ZC3H12B: variants seen among roughly 807,000 people sequenced by gnomAD.
ZC3H12B encodes zinc finger CCCH-type containing 12B.
ZC3H12B carries 7 observed loss-of-function variants against 43.9 expected under a neutral mutation model. That is an observed-to-expected ratio of 0.16 (90% CI 0.09 to 0.30). The LOEUF is 0.30. Among genes scored for constraint, ZC3H12B ranks in the 10% least tolerant of loss-of-function variants. The pLI, the probability that ZC3H12B is intolerant of heterozygous loss-of-function variation, is 1.00. For synonymous variants in ZC3H12B, 222 were observed against 241.7 expected (o/e 0.92, Z 0.76); for missense variants, 475 against 670.2 (o/e 0.71, Z 3.22).
the ZC3H12B span, among the ~76,000 whole-genome samples, chrX:65,036,788 T>C: frequency 9.0e-6 from 1 of 110,560 alleles, no homozygotes; most frequent in Non-Finnish European, 1.9e-5. Flanking sequence ...GAATACTTGC[T>C]CTTCACCTTC....
At chrX:65,173,461 G>C in the ZC3H12B span, among the ~76,000 whole-genome samples, 1 of 111,614 alleles carries the variant, frequency 9.0e-6, no homozygotes, top group Non-Finnish European at 1.9e-5. Context: ...ATACTATGTT[G>C]AATGGGAGTG....
chrX:65,157,805 G>A, the ZC3H12B span, among the ~76,000 whole-genome samples: 10 of 106,445 alleles, frequency 9.4e-5, no homozygotes, highest in South Asian at 3.9e-3. Flanking sequence ...AAATTTTAGG[G>A]GACATGTGCA....
At chrX:65,276,792 AC>A in the ZC3H12B span, among the ~76,000 whole-genome samples, 8 of 111,725 alleles carry the variant, frequency 7.2e-5, no homozygotes, top group African/African-American at 2.6e-4. Flanking sequence ...ACAGAAAGAA[AC>A]CCAACTTCAA....
the ZC3H12B span, among the ~76,000 whole-genome samples, chrX:65,082,586 A>C: frequency 9.0e-6 from 1 of 111,307 alleles, no homozygotes; most frequent in Non-Finnish European, 1.9e-5. Context: ...ACCTGAACAG[A>C]TCAATAACAA....
the ZC3H12B span, among the ~76,000 whole-genome samples, chrX:65,212,787 G>T: frequency 1.0e-5 from 1 of 100,098 alleles, no homozygotes; most frequent in African/African-American, 3.6e-5. Flanking sequence ...TAGACTATTA[G>T]CTCTATGAGA....
chrX:65,229,679 A>C, the ZC3H12B span, among the ~76,000 whole-genome samples: 8 of 98,923 alleles, frequency 8.1e-5, no homozygotes, highest in Non-Finnish European at 8.2e-5. Flanking sequence ...AACTCAAAGA[A>C]ATTTACAAGA....
chrX:65,353,043 T>C, the ZC3H12B span, among the ~76,000 whole-genome samples: 1 of 109,821 alleles, frequency 9.1e-6, no homozygotes, highest in Admixed American at 9.7e-5. Context: ...TGTGTGTGCG[T>C]ATGGGATTTC....
chrX:65,138,448 T>C, the ZC3H12B span, among the ~76,000 whole-genome samples: 1 of 112,242 alleles, frequency 8.9e-6, no homozygotes, highest in East Asian at 2.8e-4. Flanking sequence ...TTTTATTGTG[T>C]ATATATAGCA....
the ZC3H12B span, among the ~76,000 whole-genome samples, chrX:65,141,820 C>G: frequency 9.0e-6 from 1 of 111,707 alleles, no homozygotes; most frequent in African/African-American, 3.3e-5. Context: ...CCAATCTCAT[C>G]CAGGTCGCTG....
the ZC3H12B span, among the ~76,000 whole-genome samples, chrX:65,207,264 A>ACG: frequency 1.5e-4 from 16 of 108,557 alleles, no homozygotes; most frequent in African/African-American, 5.0e-4. Flanking sequence ...ACACACACAC[A>ACG]CACACACACA....
At chrX:65,297,638 A>G in the ZC3H12B span, among the ~76,000 whole-genome samples, 9 of 110,743 alleles carry the variant, frequency 8.1e-5, no homozygotes, top group Non-Finnish European at 1.5e-4. Flanking sequence ...ATAGAACTAG[A>G]AAAAAAATCC....
At chrX:65,040,176 A>T in the ZC3H12B span, among the ~76,000 whole-genome samples, 3 of 111,587 alleles carry the variant, frequency 2.7e-5, no homozygotes, top group East Asian at 8.4e-4. Flanking sequence ...GTGTGACATA[A>T]GTAATAAGTT....
chrX:65,198,513 C>T, the ZC3H12B span, among the ~76,000 whole-genome samples: 1 of 111,935 alleles, frequency 8.9e-6, no homozygotes, highest in East Asian at 2.8e-4. Flanking sequence ...GGTGCATATA[C>T]TATTCTGAGA....
At chrX:65,149,723 C>A in the ZC3H12B span, among the ~76,000 whole-genome samples, 2 of 106,789 alleles carry the variant, frequency 1.9e-5, no homozygotes, top group Non-Finnish European at 3.8e-5. Context: ...GAGATCACAC[C>A]ACTGCACTGC....
At chrX:65,035,181 G>A in the ZC3H12B span, among the ~76,000 whole-genome samples, 1 of 112,024 alleles carries the variant, frequency 8.9e-6, no homozygotes, top group Admixed American at 9.3e-5. Context: ...CGCCCGCCGA[G>A]CCCACCCCCT....
the ZC3H12B span, among the ~76,000 whole-genome samples, chrX:65,062,319 C>A: frequency 1.8e-5 from 2 of 112,115 alleles, no homozygotes; most frequent in Non-Finnish European, 3.8e-5. Context: ...TTTAATCCAT[C>A]TTGAGGTAAT....
At chrX:65,388,983 A>T (rs760820353) in intron 2 of ZC3H12B, among the ~76,000 whole-genome samples, 48 of 111,676 alleles carry the variant, frequency 4.3e-4, no homozygotes, top group Non-Finnish European at 8.3e-4. Flanking sequence ...TTGCTGCCTG[A>T]TCGTTCCTCT....
chrX:65,096,226 TGG>T, the ZC3H12B span, among the ~76,000 whole-genome samples: 2 of 29,684 alleles, frequency 6.7e-5, no homozygotes, highest in Non-Finnish European at 1.2e-4. Flanking sequence ...GGAGATGGGG[TGG>T]GGGGAGGGAG....
chrX:65,326,161 A>T, the ZC3H12B span, among the ~76,000 whole-genome samples: 4 of 112,048 alleles, frequency 3.6e-5, no homozygotes, highest in Admixed American at 1.9e-4. Flanking sequence ...AAAAATAGAC[A>T]TATGGGATTA....
Sources: allele counts gnomAD v4.1 joint callset (sites outside exome capture counted in the v4.1 genomes callset), GRCh38; gene constraint gnomAD v4.1.1; transcripts MANE v1.5; gene names NCBI Gene and HGNC (gene_info 2026-07-23, HGNC 2026-07-21).